Variants in DENND3 observed in about 807,000 individuals in gnomAD.
The protein encoded by DENND3 is DENN domain-containing protein 3.
DENND3 carries 88 observed loss-of-function variants against 135.1 expected under a neutral mutation model. That is an observed-to-expected ratio of 0.65 (90% CI 0.55 to 0.78). The LOEUF is 0.78. Ranked by LOEUF, DENND3 falls within the 30% of genes least tolerant of loss-of-function variation. DENND3 has a pLI of 0.00. For missense variants in DENND3, 1,392 were observed against 1,688.4 expected, an observed-to-expected ratio of 0.82 and a Z score of 3.08; for synonymous variants, 693 against 712.3, an observed-to-expected ratio of 0.97 and a Z score of 0.43.
At position 141,189,099 on chromosome 8, in the gene DENND3, C is replaced by T. The variant is rs1181446921; in HGVS notation, c.3198C>T (p.Cys1066=). 6.2e-7 allele frequency: 1 copy of T among 1,614,112 alleles called. No homozygotes were observed. Among genetic ancestry groups the T allele is most frequent in the East Asian group, 2.2e-5 (1 of 44,902 alleles). Residue 1066 remains cysteine (C), a synonymous_variant, in exon 19 of 23, where the codon TGC becomes TGT. Transcript: ENST00000519811. ...GCAACAAGCAGCTCACAGCCCACTG[C>T]TCCAGTGTCACGGATTTGATTGTGC... ...MSCNKQLTAH[C]SSVTDLIVQD...
rs549487037 is a variant in DENND3 at position 141,132,026 on chromosome 8, A to G, written c.102+3217A>G. Among the ~76,000 whole-genome samples, 377 of 152,278 alleles carry G rather than the reference A, an allele frequency of 2.5e-3. 2 individuals are homozygous for G. The highest frequency in any genetic ancestry group is 8.7e-3 in the African/African-American group (361 of 41,556). Reference sequence around the variant, plus strand: ...GCAAGTGTGTGTCACCGCTCTGTTCAGTGTGGTGAAGACTTGAGAACCACC... The same window carrying G: ...GCAAGTGTGTGTCACCGCTCTGTTCGGTGTGGTGAAGACTTGAGAACCACC... On this transcript the variant is annotated intron_variant, in intron 1 of 22. Coordinates refer to ENST00000519811, the MANE Select transcript of DENND3 (RefSeq NM_001352890.3).
In DENND3 at chr8:141,136,634, C is replaced by T. The variant is rs747900016; in HGVS notation, c.228C>T (p.Leu76=). Reference sequence around the variant, plus strand: ...TGGCCGGTGCCAACTGCGGCACTCTCGGTAAAACCCGGATGCGCTCCTTGA... The same window carrying T: ...TGGCCGGTGCCAACTGCGGCACTCTTGGTAAAACCCGGATGCGCTCCTTGA... ...SQMAGANCGT[L]GKTRMRSLRK... is the part of the protein sequence containing the mutation. Residue 76 remains leucine (L), a synonymous_variant, in exon 2 of 23, where the codon CTC becomes CTT. Coordinates refer to ENST00000519811, the MANE Select transcript of DENND3 (RefSeq NM_001352890.3). 1.1e-5 allele frequency: 18 copies of T among 1,610,622 alleles called. No homozygotes were observed. Among genetic ancestry groups the T allele is most frequent in the African/African-American group, 6.7e-5 (5 of 74,880 alleles).
At position 141,135,155 on chromosome 8, in the gene DENND3, T is replaced by TC. The variant is rs200480275; in HGVS notation, c.103-1354_103-1353insC. Among the ~76,000 whole-genome samples, 37 of 146,844 alleles carry TC rather than the reference T, an allele frequency of 2.5e-4. No individual in the cohort carries two copies. The East Asian group carries it at 2.6e-3, about 10-fold the overall frequency. The stretch of plus-strand genomic sequence containing the variant: ...CCAGCTCTTTCTTTCTTTCTTTCTT[T>TC]TTTTTTTTTTTTTTGAGACCAGGTC... On this transcript the variant is annotated intron_variant, in intron 1 of 22. Coordinates refer to ENST00000519811, the MANE Select transcript of DENND3 (RefSeq NM_001352890.3).
intron 3 of DENND3, among the ~76,000 whole-genome samples, chr8:141,140,718 C>T (rs1018195144): frequency 2.6e-5 from 4 of 152,224 alleles, no homozygotes; most frequent in African/African-American, 9.6e-5. Flanking sequence ...CAACACTTCC[C>T]CAGTTGGTGA....
At chr8:141,142,387 C>T in intron 4 of DENND3, 1 of 457,060 alleles carries the variant, frequency 2.2e-6, no homozygotes, top group Non-Finnish European at 4.4e-6. Flanking sequence ...TGGTGCTGTT[C>T]TTGCTTCTTG....
chr8:141,130,161 A>G lies in DENND3; in HGVS notation c.102+1352A>G, dbSNP rs2154612615. ...GGGTGTTAGTTGCTTGGTGTGACAC[A>G]TGTCTTTTGAGGGCAGGGCGAATCA... On this transcript the variant is annotated intron_variant, in intron 1 of 22. Coordinates refer to ENST00000519811, the MANE Select transcript of DENND3 (RefSeq NM_001352890.3). This position sits in a 1 kb window ranked among gnomAD's most constrained non-coding sequence, Gnocchi z 4.2. Among the ~76,000 whole-genome samples, 1 of 152,254 alleles carries G rather than the reference A, an allele frequency of 6.6e-6. No individual in the cohort carries two copies.
chr8:141,185,198 A>G lies in DENND3; in HGVS notation c.3004A>G (p.Ser1002Gly). Residue 1002 changes from serine (S) to glycine (G), a missense_variant, in exon 18 of 23, where the codon AGC (serine) becomes GGC (glycine). Physicochemically the swap from Ser to Gly is moderately conservative, Grantham distance 56 (BLOSUM62 0). Transcript: ENST00000519811. The stretch of plus-strand genomic sequence containing the variant: ...TCACCCCAAGTTATGGTGTGCTCTG[A>G]GCGAAGGCAAGGTGACCGTGTTCAA... ...DAHPKLWCAL[S>G]EGKVTVFNAS... 1.2e-6 allele frequency: 2 copies of G among 1,614,232 alleles called. No individual in the cohort carries two copies. The highest frequency in any genetic ancestry group is 1.7e-6 in the Non-Finnish European group (2 of 1,180,032).
At chr8:141,170,927 C>A (rs1192082361) in intron 13 of DENND3, among the ~76,000 whole-genome samples, 7 of 152,218 alleles carry the variant, frequency 4.6e-5, no homozygotes, top group Non-Finnish European at 1.0e-4. Flanking sequence ...TTTTGAGGCA[C>A]CCCCACCCCC....
At chr8:141,162,981 G>A (rs1820328721) in intron 9 of DENND3, among the ~76,000 whole-genome samples, 1 of 152,252 alleles carries the variant, frequency 6.6e-6, no homozygotes, top group Non-Finnish European at 1.5e-5. Context: ...GGCCGAGCTG[G>A]TCAGCACTTG....
At chr8:141,136,834 G>C in intron 2 of DENND3, 43 bp downstream of exon 2, 2 of 1,494,290 alleles carry the variant, frequency 1.3e-6, no homozygotes, top group Non-Finnish European at 8.9e-7. Flanking sequence ...TCCTGCTGCC[G>C]GCCACCCAGA....
intron 16 of DENND3, among the ~76,000 whole-genome samples, chr8:141,179,012 T>C (rs886911974): frequency 1.3e-5 from 2 of 152,240 alleles, no homozygotes; most frequent in African/African-American, 4.8e-5. Flanking sequence ...TCATTTCCCT[T>C]GGGCGTAGAT....
rs1044034454 is a variant in DENND3 at position 141,138,247 on chromosome 8, C to T, written c.501+110C>T. 3.6e-5 allele frequency: 42 copies of T among 1,156,638 alleles called. No individual in the cohort carries two copies. The highest frequency in any genetic ancestry group is 3.1e-4 in the African/African-American group (20 of 65,176). The allele number at this position is 1,156,638 out of a possible 1,614,324, so 71.6% of individuals were successfully genotyped here. ...CTAACCATTTTAAAGTGTGCAGTTC[C>T]GTAACATTAAGTACATTCACAGCAT... is the stretch of plus-strand genomic sequence containing the variant. On this transcript the variant is annotated intron_variant, in intron 3 of 22. Transcript: ENST00000519811. The surrounding 1 kb of genome is among the most constrained non-coding windows in gnomAD (Gnocchi z 4.8).
intron 19 of DENND3, 25 bp from the exon 20 acceptor site, chr8:141,190,259 G>T: frequency 6.4e-7 from 1 of 1,561,876 alleles, no homozygotes. Context: ...AGTTAAAGGT[G>T]TGTGTGTGTG....
At chr8:141,132,436 C>A (rs1487914555) in intron 1 of DENND3, among the ~76,000 whole-genome samples, 1 of 152,098 alleles carries the variant, frequency 6.6e-6, no homozygotes, top group African/African-American at 2.4e-5. Context: ...CGGCTCACTG[C>A]AACCTCTGCC....
chr8:141,178,807 G>A (rs1311833724), intron 16 of DENND3, among the ~76,000 whole-genome samples: 3 of 152,222 alleles, frequency 2.0e-5, no homozygotes, highest in Non-Finnish European at 4.4e-5. Context: ...GGCTGGTGCT[G>A]GACTCCCATT....
chr8:141,147,007 T>A lies in DENND3; in HGVS notation c.735+2748T>A, dbSNP rs189280012. On this transcript the variant is annotated intron_variant, in intron 5 of 22. Transcript: ENST00000519811. Reference sequence around the variant, plus strand: ...CCTTTGAACATAAGGAATGCGTGCGTAGCACTCCCAGCGCTGCTCCGGGTC... The same window carrying A: ...CCTTTGAACATAAGGAATGCGTGCGAAGCACTCCCAGCGCTGCTCCGGGTC... Among the ~76,000 whole-genome samples the A allele has an allele frequency of 1.8e-3, 280 of 152,328 alleles. 2 individuals are homozygous for A. The highest frequency in any genetic ancestry group is 3.4e-3 in the Middle Eastern group (1 of 294).
At chr8:141,136,191 C>T (rs1356508376) in intron 1 of DENND3, among the ~76,000 whole-genome samples, 1 of 152,190 alleles carries the variant, frequency 6.6e-6, no homozygotes, top group Non-Finnish European at 1.5e-5. Context: ...GAGGCACAGC[C>T]AGGACTTGAA....
intron 11 of DENND3, among the ~76,000 whole-genome samples, chr8:141,165,838 T>A (rs1336137157): frequency 6.6e-6 from 1 of 152,088 alleles, no homozygotes; most frequent in Non-Finnish European, 1.5e-5. Context: ...GGCCCTTGCG[T>A]CTTCCTCGGT....
chr8:141,151,559 C>G, intron 6 of DENND3, 60 bp from the exon 7 acceptor site: 1 of 1,467,654 alleles, frequency 6.8e-7, no homozygotes, highest in Non-Finnish European at 9.5e-7. Context: ...CAGCGAGACC[C>G]TGTCTGTATT....
Sources: allele counts gnomAD v4.1 joint callset (sites outside exome capture counted in the v4.1 genomes callset), GRCh38; gene constraint gnomAD v4.1.1; non-coding constraint Gnocchi (gnomAD v3.1); transcripts MANE v1.5; gene names NCBI Gene and HGNC (gene_info 2026-07-23, HGNC 2026-07-21).